Variants in APBB2 observed in about 807,000 individuals in gnomAD.
The protein encoded by APBB2 is Fe65-like 1.
APBB2 carries 38 observed loss-of-function variants against 82.5 expected under a neutral mutation model. That is an observed-to-expected ratio of 0.46 (90% CI 0.36 to 0.60). APBB2 has a LOEUF of 0.60. Among genes scored for constraint, APBB2 ranks in the 20% least tolerant of loss-of-function variants. The pLI is 0.00. For missense variants in APBB2, 772 were observed against 972.3 expected (o/e 0.79, Z 2.74); for synonymous variants, 341 against 368.2 (o/e 0.93, Z 0.85).
intron 12 of APBB2, among the ~76,000 whole-genome samples, chr4:40,884,263 A>C (rs1769554447): frequency 6.6e-6 from 1 of 152,172 alleles, no homozygotes; most frequent in Non-Finnish European, 1.5e-5. Context: ...TAACCTCTAA[A>C]ATAAAGAGAC....
intron 2 of APBB2, among the ~76,000 whole-genome samples, chr4:41,133,429 A>G (rs1227380787): frequency 6.6e-6 from 1 of 152,198 alleles, no homozygotes; most frequent in African/African-American, 2.4e-5. Context: ...TGCATCTCAG[A>G]ACTGCTAGAC....
intron 1 of APBB2, among the ~76,000 whole-genome samples, chr4:41,178,656 C>T (rs6810560): frequency 0.42 from 63,880 of 151,902 alleles, 15,142 homozygotes; most frequent in African/African-American, 0.65. Context: ...CCTTGAGGGT[C>T]TGCAAAACAT....
intron 12 of APBB2, among the ~76,000 whole-genome samples, chr4:40,867,453 A>AATT (rs1281341468): frequency 6.6e-6 from 1 of 152,198 alleles, no homozygotes; most frequent in East Asian, 1.9e-4. Flanking sequence ...TGTAAACAAA[A>AATT]TAGGCTCAGA....
intron 6 of APBB2, among the ~76,000 whole-genome samples, chr4:40,951,893 A>G (rs947048943): frequency 1.3e-5 from 2 of 152,146 alleles, no homozygotes; most frequent in Non-Finnish European, 2.9e-5. Flanking sequence ...CTCTAGGGTC[A>G]AATTATCATC....
At chr4:41,028,331 C>A (rs955949181) in intron 5 of APBB2, among the ~76,000 whole-genome samples, 1 of 152,206 alleles carries the variant, frequency 6.6e-6, no homozygotes, top group African/African-American at 2.4e-5. Flanking sequence ...CAAGGCACAG[C>A]CAATCACAGT....
At position 41,194,349 on chromosome 4, in the gene APBB2, T is replaced by C; in HGVS notation, c.-417+20056A>G. 2.6e-5 allele frequency among the ~76,000 whole-genome samples: 4 copies of C among 152,172 alleles called. No individual in the cohort carries two copies. In the East Asian group the frequency reaches 7.7e-4, roughly 29 times the overall value. On this transcript the variant is annotated intron_variant, in intron 1 of 17. Transcript: ENST00000508593. ...AAAAGAAAAGAAGAGAGATCATTTATAGATACAGATATACAGATATCAGTA... is the reference window on the plus strand; with the variant it reads ...AAAAGAAAAGAAGAGAGATCATTTACAGATACAGATATACAGATATCAGTA...
At chr4:40,999,671 T>A (rs954771612) in intron 6 of APBB2, among the ~76,000 whole-genome samples, 5 of 152,070 alleles carry the variant, frequency 3.3e-5, no homozygotes, top group Admixed American at 1.3e-4. Flanking sequence ...GAATCTCAGG[T>A]CCCAACCCAG....
intron 4 of APBB2, among the ~76,000 whole-genome samples, chr4:41,057,035 G>A (rs1263764527): frequency 2.0e-5 from 3 of 152,158 alleles, no homozygotes; most frequent in African/African-American, 7.2e-5. Context: ...CCAAAAATTG[G>A]ACACTCCTAG....
chr4:40,862,971 G>A (rs756601946), intron 12 of APBB2, among the ~76,000 whole-genome samples: 1 of 152,086 alleles, frequency 6.6e-6, no homozygotes, highest in Non-Finnish European at 1.5e-5. Context: ...ATGATTTGGA[G>A]GCAGGTGTTC....
intron 5 of APBB2, among the ~76,000 whole-genome samples, chr4:41,025,679 G>T (rs1399978241): frequency 1.3e-5 from 2 of 152,174 alleles, no homozygotes; most frequent in South Asian, 4.2e-4. Flanking sequence ...AGCACTTTGG[G>T]AGGCTGAGGT....
intron 4 of APBB2, among the ~76,000 whole-genome samples, chr4:41,049,263 C>T (rs1474376072): frequency 6.7e-6 from 1 of 149,986 alleles, no homozygotes; most frequent in Non-Finnish European, 1.5e-5. Context: ...TGAGGAGCGT[C>T]TCTGCCCGGC....
Position 40,832,334 on chromosome 4 carries a change from G to A in APBB2, c.1530-1757C>T, listed in dbSNP as rs1215985343. 6.6e-6 allele frequency among the ~76,000 whole-genome samples: 1 copy of A among 152,132 alleles called. No homozygotes were observed. Among genetic ancestry groups the A allele is most frequent in the East Asian group, 1.9e-4 (1 of 5,194 alleles). ...GCAACCTCACCTCGCCATGCCCCAG[G>A]CAGCCCTGCAGTGGGGCTCCCTAAG... On this transcript the variant is annotated intron_variant, in intron 12 of 17. Coordinates refer to ENST00000508593, the MANE Select transcript of APBB2 (RefSeq NM_004307.2). The surrounding 1 kb of genome is among the most constrained non-coding windows in gnomAD (Gnocchi z 4.8).
chr4:40,832,051 C>CACACACAT lies in APBB2; in HGVS notation c.1530-1475_1530-1474insATGTGTGT, dbSNP rs1315070299. 2.7e-5 allele frequency among the ~76,000 whole-genome samples: 4 copies of CACACACAT among 149,210 alleles called. No individual in the cohort carries two copies. Among genetic ancestry groups the CACACACAT allele is most frequent in the Admixed American group, 6.7e-5 (1 of 15,014 alleles). ...ACACACACACACACACACACACACA[C>CACACACAT]ATATACACCAAGCTTTACCCATCTA... On this transcript the variant is annotated intron_variant, in intron 12 of 17. Transcript: ENST00000508593. The surrounding 1 kb of genome is among the most constrained non-coding windows in gnomAD (Gnocchi z 4.8).
At chr4:41,055,330 T>C (rs1727455004) in intron 4 of APBB2, among the ~76,000 whole-genome samples, 1 of 152,174 alleles carries the variant, frequency 6.6e-6, no homozygotes, top group Non-Finnish European at 1.5e-5. Context: ...ACTGGAAGGC[T>C]TTCCTATCAC....
At chr4:41,189,937 A>C (rs1215605936) in intron 1 of APBB2, among the ~76,000 whole-genome samples, 1 of 152,248 alleles carries the variant, frequency 6.6e-6, no homozygotes, top group Non-Finnish European at 1.5e-5. Context: ...CACAGGGTTG[A>C]AAATCTGTAA....
In APBB2 at chr4:40,832,064, C is replaced by T. The variant is rs1437290262; in HGVS notation, c.1530-1487G>A. On this transcript the variant is annotated intron_variant, in intron 12 of 17. Coordinates refer to ENST00000508593, the MANE Select transcript of APBB2 (RefSeq NM_004307.2). The surrounding 1 kb of genome is among the most constrained non-coding windows in gnomAD (Gnocchi z 4.8). The stretch of plus-strand genomic sequence containing the variant: ...CACACACACACACATATACACCAAG[C>T]TTTACCCATCTAGGAATGGATCACA... 1.0e-5 allele frequency among the ~76,000 whole-genome samples: 1 copy of T among 99,766 alleles called. No individual in the cohort carries two copies. Among genetic ancestry groups the T allele is most frequent in the African/African-American group, 3.3e-5 (1 of 30,638 alleles). 65.5% of individuals were successfully genotyped at this position (99,766 alleles called of 152,430 possible). A position where few individuals can be genotyped will look rare whatever the true frequency, so the allele number is the denominator to read the frequency against.
intron 3 of APBB2, among the ~76,000 whole-genome samples, chr4:41,066,151 T>C (rs920310446): frequency 1.8e-5 from 2 of 108,414 alleles, no homozygotes; most frequent in African/African-American, 6.4e-5. Context: ...AAAAAAAAAC[T>C]TTTCAGTGAC....
chr4:40,991,553 T>C (rs1389189608), intron 6 of APBB2, among the ~76,000 whole-genome samples: 3 of 152,120 alleles, frequency 2.0e-5, no homozygotes, highest in East Asian at 1.9e-4. Flanking sequence ...AAAAAACCTA[T>C]AGTGTTCTAA....
chr4:40,932,797 C>T (rs73150560), intron 10 of APBB2, among the ~76,000 whole-genome samples: 5,980 of 152,310 alleles, frequency 0.039, 393 homozygotes, highest in African/African-American at 0.14. Context: ...GAAGACGCTA[C>T]AAACAATAAT....
Sources: gnomAD v4.1 joint callset for allele counts (sites outside exome capture counted in the v4.1 genomes callset) on GRCh38, gnomAD v4.1.1 for gene constraint, Gnocchi (gnomAD v3.1) non-coding constraint, MANE v1.5 for transcripts, NCBI Gene and HGNC (gene_info 2026-07-23, HGNC 2026-07-21) for gene names.